IL15: variants seen among roughly 807,000 people sequenced by gnomAD.
IL15 encodes the protein interleukin-15.
A neutral mutation model predicts 19.6 loss-of-function variants in IL15; 11 were observed. That is an observed-to-expected ratio of 0.56 (90% confidence interval 0.35 to 0.93). IL15 has a LOEUF of 0.93. Among genes scored for constraint, IL15 ranks in the 40% least tolerant of loss-of-function variants. IL15 has a pLI of 0.01. For missense variants in IL15, 197 were observed against 186.5 expected, an observed-to-expected ratio of 1.06 and a Z score of -0.33; for synonymous variants, 58 against 59.6, an observed-to-expected ratio of 0.97 and a Z score of 0.12.
chr4:141,703,094 T>A (rs537021738), intron 2 of IL15, among the ~76,000 whole-genome samples: 17 of 152,310 alleles, frequency 1.1e-4, no homozygotes, highest in African/African-American at 3.8e-4. Context: ...CCAATCTCAC[T>A]CCTGAAGTGT....
At chr4:141,710,063 G>A (rs1729662971) in intron 2 of IL15, among the ~76,000 whole-genome samples, 2 of 152,140 alleles carry the variant, frequency 1.3e-5, no homozygotes, top group African/African-American at 4.8e-5. Flanking sequence ...CTGCATCCAA[G>A]CTGCTGCAAA....
At chr4:141,731,591 G>A (rs1730454278) in intron 7 of IL15, among the ~76,000 whole-genome samples, 1 of 152,190 alleles carries the variant, frequency 6.6e-6, no homozygotes, top group Non-Finnish European at 1.5e-5. Context: ...ATACGTGCTG[G>A]AATGCGTGGG....
At chr4:141,724,079 AC>A (rs2152191189) in intron 5 of IL15, among the ~76,000 whole-genome samples, 1 of 152,278 alleles carries the variant, frequency 6.6e-6, no homozygotes, top group East Asian at 1.9e-4. Flanking sequence ...CATAAAAGAA[AC>A]TTTAAAAATT....
At chr4:141,637,876 G>A (rs1022563828) in intron 1 of IL15, among the ~76,000 whole-genome samples, 1 of 152,194 alleles carries the variant, frequency 6.6e-6, no homozygotes, top group Admixed American at 6.5e-5. Context: ...TAGCTAGGCT[G>A]AATTTTTGCT....
chr4:141,704,663 T>C, intron 2 of IL15: 1 of 299,966 alleles, frequency 3.3e-6, no homozygotes, highest in Non-Finnish European at 6.8e-6. Flanking sequence ...AGTGAAGCTT[T>C]CAGGTCCTGG....
intron 2 of IL15, among the ~76,000 whole-genome samples, chr4:141,662,344 C>T (rs1468874503): frequency 6.6e-6 from 1 of 152,158 alleles, no homozygotes; most frequent in East Asian, 1.9e-4. Context: ...AGCCTTAAAG[C>T]TGTGATTTTA....
At chr4:141,721,502 T>A (rs542816358) in intron 4 of IL15, 8 of 546,860 alleles carry the variant, frequency 1.5e-5, no homozygotes, top group Middle Eastern at 6.0e-4. Flanking sequence ...AATCATTACA[T>A]GAAAATGATT....
intron 2 of IL15, among the ~76,000 whole-genome samples, chr4:141,674,119 A>G (rs1304467259): frequency 6.6e-6 from 1 of 152,200 alleles, no homozygotes; most frequent in African/African-American, 2.4e-5. Flanking sequence ...TTGTATGCTT[A>G]CTAGGATTCC....
intron 2 of IL15, among the ~76,000 whole-genome samples, chr4:141,710,773 A>C (rs1729690784): frequency 1.3e-5 from 2 of 151,744 alleles, no homozygotes; most frequent in African/African-American, 4.8e-5. Flanking sequence ...TTTGGAAATT[A>C]TACATGTCTG....
chr4:141,729,451 C>T (rs373874975), intron 6 of IL15, among the ~76,000 whole-genome samples: 1 of 152,218 alleles, frequency 6.6e-6, no homozygotes, highest in South Asian at 2.1e-4. Flanking sequence ...TAGCAGCTAC[C>T]ACTATTTAAA....
chr4:141,652,907 G>A (rs1171365715), intron 1 of IL15, among the ~76,000 whole-genome samples: 1 of 152,136 alleles, frequency 6.6e-6, no homozygotes, highest in Non-Finnish European at 1.5e-5. Flanking sequence ...AGTGGGAGAT[G>A]TACTATATCA....
At chr4:141,670,338 A>G (rs899948497) in intron 2 of IL15, among the ~76,000 whole-genome samples, 5 of 152,148 alleles carry the variant, frequency 3.3e-5, no homozygotes, top group African/African-American at 9.6e-5. Flanking sequence ...TAGAATATTT[A>G]TGCTTTAACT....
chr4:141,646,290 G>A (rs1727222651), intron 1 of IL15, among the ~76,000 whole-genome samples: 1 of 151,982 alleles, frequency 6.6e-6, no homozygotes, highest in Non-Finnish European at 1.5e-5. Context: ...TAAGTGATTT[G>A]TACCCCTGAT....
At chr4:141,667,178 A>T (rs77080421) in intron 2 of IL15, among the ~76,000 whole-genome samples, 3,191 of 152,296 alleles carry the variant, frequency 0.021, 119 homozygotes, top group African/African-American at 0.072. Context: ...TTGTATTTTT[A>T]AAAATATCCT....
chr4:141,692,021 A>T (rs375709498), intron 2 of IL15, among the ~76,000 whole-genome samples: 29 of 152,182 alleles, frequency 1.9e-4, no homozygotes, highest in African/African-American at 5.8e-4. Flanking sequence ...ATTTCCATAC[A>T]TCCTCTAAAA....
At chr4:141,657,273 T>C (rs936862059) in intron 2 of IL15, among the ~76,000 whole-genome samples, 1 of 152,166 alleles carries the variant, frequency 6.6e-6, no homozygotes, top group Non-Finnish European at 1.5e-5. Flanking sequence ...TTTACAATAC[T>C]GGAAGCTGCT....
chr4:141,687,823 A>G (rs951068145), intron 2 of IL15, among the ~76,000 whole-genome samples: 1 of 152,220 alleles, frequency 6.6e-6, no homozygotes, highest in African/African-American at 2.4e-5. Context: ...GAGTTGTGAT[A>G]GAGCAAGTTT....
intron 2 of IL15, among the ~76,000 whole-genome samples, chr4:141,706,600 T>C (rs906613231): frequency 6.6e-6 from 1 of 152,138 alleles, no homozygotes; most frequent in African/African-American, 2.4e-5. Flanking sequence ...TCTTGTAAGA[T>C]CAGTTAAGTG....
rs190953596 is a variant in IL15, at chr4:141,697,773, G to T, written c.-99-21593G>T. On this transcript the variant is annotated intron_variant, in intron 2 of 7. Transcript: ENST00000320650. ...TATTTTTTTTTCAGCTATTATAAAAGGGGTCGAATGACAATTCAATCGATG... is the reference window on the plus strand; with the variant it reads ...TATTTTTTTTTCAGCTATTATAAAATGGGTCGAATGACAATTCAATCGATG... Among the ~76,000 whole-genome samples the T allele has an allele frequency of 1.4e-3, 209 of 151,536 alleles. 1 individual carries two copies. Among genetic ancestry groups the T allele is most frequent in the African/African-American group, 4.9e-3 (203 of 41,412 alleles).
Sources: allele counts gnomAD v4.1 joint callset (sites outside exome capture counted in the v4.1 genomes callset), GRCh38; gene constraint gnomAD v4.1.1; transcripts MANE v1.5; gene names NCBI Gene and HGNC (gene_info 2026-07-23, HGNC 2026-07-21).